Variants in GPC5 observed in about 807,000 individuals in gnomAD.
The protein encoded by GPC5 is glypican 5, also known as glypican-5.
A neutral mutation model predicts 53.9 loss-of-function variants in GPC5; 47 were observed. The ratio of observed to expected loss-of-function variants is 0.87; its 90% confidence interval spans 0.69 to 1.11. The LOEUF is 1.11. Ranked by LOEUF, GPC5 falls within the 50% of genes most tolerant of loss-of-function variation. The probability of loss-of-function intolerance (pLI) is 0.00; values close to 1 mark genes in which losing one functional copy is unlikely to be tolerated. For synonymous variants in GPC5, 286 were observed against 263.3 expected (o/e 1.09, Z -0.84); for missense variants, 748 against 713.1 (o/e 1.05, Z -0.56).
chr13:91,804,115 C>T (rs1486676157), intron 5 of GPC5, among the ~76,000 whole-genome samples: 1 of 152,190 alleles, frequency 6.6e-6, no homozygotes, highest in African/African-American at 2.4e-5. Context: ...GAACTAGTCA[C>T]TTCTGAAATC....
chr13:92,190,198 A>G (rs1593978212), intron 7 of GPC5, among the ~76,000 whole-genome samples: 2 of 143,398 alleles, frequency 1.4e-5, no homozygotes, highest in South Asian at 2.1e-4. Flanking sequence ...GTTGAGAGAG[A>G]AAAAAAACCA....
Position 92,303,532 on chromosome 13 carries a change from G to T in GPC5, c.1561+158543G>T, listed in dbSNP as rs774332760. Among the ~76,000 whole-genome samples, 54 of 152,048 alleles carry T rather than the reference G, an allele frequency of 3.6e-4. 1 individual carries two copies. The highest frequency in any genetic ancestry group is 6.8e-4 in the Non-Finnish European group (46 of 68,014). On this transcript the variant is annotated intron_variant, in intron 7 of 7. Coordinates refer to ENST00000377067, the MANE Select transcript of GPC5 (RefSeq NM_004466.6). ...CATCTCTGTGGCCAGAGAGAATTGTGTCAGGGAGACAGGCCCTGAGAGGCA... is the reference window on the plus strand; with the variant it reads ...CATCTCTGTGGCCAGAGAGAATTGTTTCAGGGAGACAGGCCCTGAGAGGCA...
At chr13:91,878,756 C>T (rs1034275288) in intron 5 of GPC5, among the ~76,000 whole-genome samples, 2 of 152,136 alleles carry the variant, frequency 1.3e-5, no homozygotes, top group African/African-American at 2.4e-5. Flanking sequence ...TGTAAGTTTC[C>T]TGAGACCTCC....
chr13:91,833,612 A>G (rs912817083), intron 5 of GPC5, among the ~76,000 whole-genome samples: 3 of 152,208 alleles, frequency 2.0e-5, no homozygotes, highest in African/African-American at 7.2e-5. Context: ...AATGTAATCC[A>G]TCACATAAAC....
chr13:92,726,838 G>T (rs1888661808), intron 7 of GPC5, among the ~76,000 whole-genome samples: 1 of 151,468 alleles, frequency 6.6e-6, no homozygotes, highest in African/African-American at 2.4e-5. Flanking sequence ...AAGATAATAA[G>T]TACTCGTTCT....
At chr13:92,315,246 G>A (rs533004414) in intron 7 of GPC5, among the ~76,000 whole-genome samples, 4 of 152,176 alleles carry the variant, frequency 2.6e-5, no homozygotes, top group Non-Finnish European at 4.4e-5. Flanking sequence ...GAGCAAGATC[G>A]TGGTTCCTCA....
intron 7 of GPC5, among the ~76,000 whole-genome samples, chr13:92,561,409 A>G (rs372304422): frequency 2.0e-5 from 3 of 152,072 alleles, no homozygotes; most frequent in African/African-American, 7.2e-5. Flanking sequence ...GAACTTGAAC[A>G]AGTCACTTAA....
At chr13:92,321,135 T>A (rs1233150791) in intron 7 of GPC5, among the ~76,000 whole-genome samples, 1 of 152,182 alleles carries the variant, frequency 6.6e-6, no homozygotes, top group African/African-American at 2.4e-5. Context: ...CTTGACAAGA[T>A]GCCAATTTAA....
At chr13:91,740,756 T>C (rs2140067401) in intron 4 of GPC5, among the ~76,000 whole-genome samples, 1 of 152,274 alleles carries the variant, frequency 6.6e-6, no homozygotes, top group South Asian at 2.1e-4. Flanking sequence ...TAAAGGACAT[T>C]GCGCTCATAT....
intron 1 of GPC5, among the ~76,000 whole-genome samples, chr13:91,399,533 G>T (rs1876767552): frequency 6.6e-6 from 1 of 152,184 alleles, no homozygotes; most frequent in Non-Finnish European, 1.5e-5. Flanking sequence ...GTCTAACTCC[G>T]TTTCTCTTCC....
intron 5 of GPC5, among the ~76,000 whole-genome samples, chr13:91,778,303 G>T (rs541259336): frequency 6.6e-6 from 1 of 152,272 alleles, no homozygotes; most frequent in African/African-American, 2.4e-5. Flanking sequence ...GCCAGTTGAA[G>T]GGAGTATACA....
At chr13:92,378,484 G>A (rs533880092) in intron 7 of GPC5, among the ~76,000 whole-genome samples, 2 of 152,118 alleles carry the variant, frequency 1.3e-5, no homozygotes, top group Admixed American at 6.6e-5. Context: ...CCCAACTTGA[G>A]GTTATAAATT....
At chr13:91,567,572 C>G (rs1181203173) in intron 2 of GPC5, among the ~76,000 whole-genome samples, 1 of 152,050 alleles carries the variant, frequency 6.6e-6, no homozygotes, top group Non-Finnish European at 1.5e-5. Context: ...TTTTCAGAAG[C>G]AGTTATTTGG....
chr13:91,476,824 T>C (rs934549486), intron 2 of GPC5, among the ~76,000 whole-genome samples: 2 of 152,176 alleles, frequency 1.3e-5, no homozygotes, highest in African/African-American at 2.4e-5. Context: ...CAGTATTATC[T>C]ACAAAGAACT....
At chr13:91,404,437 C>T (rs912713939) in intron 1 of GPC5, among the ~76,000 whole-genome samples, 1 of 152,174 alleles carries the variant, frequency 6.6e-6, no homozygotes, top group Non-Finnish European at 1.5e-5. Flanking sequence ...GTAACAATAG[C>T]AATTAATTTT....
At chr13:92,023,051 A>G (rs796585586) in intron 6 of GPC5, among the ~76,000 whole-genome samples, 43 of 152,184 alleles carry the variant, frequency 2.8e-4, no homozygotes, top group African/African-American at 9.9e-4. Flanking sequence ...CACTTACTTT[A>G]AACTCTCTCA....
intron 7 of GPC5, among the ~76,000 whole-genome samples, chr13:92,372,250 C>T (rs2043656839): frequency 6.6e-6 from 1 of 152,128 alleles, no homozygotes; most frequent in African/African-American, 2.4e-5. Context: ...TTTGTTACAG[C>T]AGCAGTAGAA....
chr13:92,173,857 C>A (rs2042088042), intron 7 of GPC5, among the ~76,000 whole-genome samples: 1 of 152,170 alleles, frequency 6.6e-6, no homozygotes, highest in African/African-American at 2.4e-5. Flanking sequence ...TAATTCCCAG[C>A]ACTTTGGGAA....
At chr13:92,355,179 ATAAT>A (rs1333041261) in intron 7 of GPC5, among the ~76,000 whole-genome samples, 7 of 151,958 alleles carry the variant, frequency 4.6e-5, no homozygotes, top group Non-Finnish European at 1.0e-4. Flanking sequence ...ATTCTCATTA[ATAAT>A]TTAAGTTCTC....
Sources: gnomAD v4.1 joint callset for allele counts (sites outside exome capture counted in the v4.1 genomes callset) on GRCh38, gnomAD v4.1.1 for gene constraint, MANE v1.5 for transcripts, NCBI Gene and HGNC (gene_info 2026-07-23, HGNC 2026-07-21) for gene names.